PPFIBP2: variants seen among roughly 807,000 people sequenced by gnomAD.
PPFIBP2 encodes the protein PPFIB scaffold protein 2, also known as liprin-beta-2.
In PPFIBP2, 118 loss-of-function variants were observed where a neutral mutation model predicts 118.3. That is an observed-to-expected ratio of 1.00 (90% confidence interval 0.86 to 1.16). The LOEUF (loss-of-function observed/expected upper bound fraction) is 1.16. PPFIBP2 is among the 50% of genes most tolerant of loss of function. PPFIBP2 has a pLI of 0.00. For synonymous variants in PPFIBP2, 414 were observed against 397.4 expected (o/e 1.04, Z -0.50); for missense variants, 1,195 against 1,073.1 (o/e 1.11, Z -1.59).
At chr11:7,661,208 C>G (rs1854883561), downstream of PPFIBP2, among the ~76,000 whole-genome samples, 3 of 147,382 alleles carry the variant, frequency 2.0e-5, no homozygotes, top group Admixed American at 6.7e-5. Flanking sequence ...TATGTTTGCT[C>G]TTGCTTTTCT....
chr11:7,532,537 C>T (rs145040993), intron 1 of PPFIBP2, among the ~76,000 whole-genome samples: 2 of 152,314 alleles, frequency 1.3e-5, no homozygotes, highest in Non-Finnish European at 2.9e-5. Context: ...TGGCCTCGTC[C>T]AAAGGCTCAG....
At chr11:7,570,567 G>T (rs1322991909) in intron 3 of PPFIBP2, among the ~76,000 whole-genome samples, 3 of 152,136 alleles carry the variant, frequency 2.0e-5, no homozygotes, top group African/African-American at 7.2e-5. Context: ...AGGGTGAGGG[G>T]TGGTGCTTGG....
At chr11:7,537,393 C>G (rs1851321558) in intron 1 of PPFIBP2, among the ~76,000 whole-genome samples, 2 of 152,216 alleles carry the variant, frequency 1.3e-5, no homozygotes, top group Admixed American at 6.5e-5. Context: ...TGTGAACTCC[C>G]AGAGCAGGTG....
chr11:7,543,129 G>A (rs1360197795), intron 1 of PPFIBP2, among the ~76,000 whole-genome samples: 1 of 152,182 alleles, frequency 6.6e-6, no homozygotes, highest in Non-Finnish European at 1.5e-5. Context: ...CTTCATATCT[G>A]TCTTTGTCCT....
intron 21 of PPFIBP2, among the ~76,000 whole-genome samples, chr11:7,650,563 A>G (rs1853831547): frequency 6.6e-6 from 1 of 152,234 alleles, no homozygotes; most frequent in Non-Finnish European, 1.5e-5. Flanking sequence ...TAATGTCCTC[A>G]TTTATTTGTC....
chr11:7,601,749 C>T (rs1446840852), intron 5 of PPFIBP2, among the ~76,000 whole-genome samples: 1 of 152,156 alleles, frequency 6.6e-6, no homozygotes, highest in Admixed American at 6.5e-5. Flanking sequence ...AACCTGAGGT[C>T]AGGAGTTCGA....
chr11:7,577,315 ATGTGCGTGTG>A (rs560396932), intron 3 of PPFIBP2: 16 of 216,894 alleles, frequency 7.4e-5, no homozygotes, highest in African/African-American at 4.1e-4. Flanking sequence ...GCGTGCATGT[ATGTGCGTGTG>A]TGTGTGTGTG....
intron 1 of PPFIBP2, among the ~76,000 whole-genome samples, chr11:7,537,629 C>T (rs1182855114): frequency 6.6e-6 from 1 of 152,014 alleles, no homozygotes; most frequent in Non-Finnish European, 1.5e-5. Context: ...AGGGAAAGAG[C>T]CTCCTCTCCG....
downstream of PPFIBP2, chr11:7,655,286 C>T (rs1854576601): frequency 1.9e-5 from 9 of 477,676 alleles, no homozygotes; most frequent in South Asian, 1.4e-4. Context: ...CCTGTCACTC[C>T]TCAGGGCCTG....
At chr11:7,593,038 C>G in intron 3 of PPFIBP2, 94 bp from the exon 4 acceptor site, 1 of 1,511,228 alleles carries the variant, frequency 6.6e-7, no homozygotes, top group Non-Finnish European at 8.9e-7. Context: ...TGAAACTATC[C>G]TCACAAATTA....
chr11:7,606,030 T>C, intron 5 of PPFIBP2: 2 of 1,532,160 alleles, frequency 1.3e-6, no homozygotes, highest in Non-Finnish European at 1.7e-6. Flanking sequence ...GTAGAAAAGC[T>C]GTTGATCAAG....
intron 18 of PPFIBP2, 60 bp downstream of exon 18, chr11:7,648,597 G>T: frequency 1.3e-6 from 2 of 1,597,476 alleles, no homozygotes; most frequent in Non-Finnish European, 1.7e-6. Context: ...GGGGAGGCCA[G>T]GGTCCGCCAC....
chr11:7,634,654 AT>A, intron 13 of PPFIBP2, 102 bp downstream of exon 13: 2 of 889,536 alleles, frequency 2.2e-6, no homozygotes, highest in Non-Finnish European at 3.7e-6. Context: ...CTTGTAGAGG[AT>A]TTTATAAAGT....
intron 14 of PPFIBP2, among the ~76,000 whole-genome samples, chr11:7,635,983 G>A (rs371348729): frequency 5.9e-5 from 9 of 152,094 alleles, no homozygotes; most frequent in East Asian, 1.9e-4. Flanking sequence ...ACTCAGTCCC[G>A]CTTTGATGAA....
At chr11:7,658,087 C>G (rs983520676), downstream of PPFIBP2, among the ~76,000 whole-genome samples, 2 of 152,230 alleles carry the variant, frequency 1.3e-5, no homozygotes, top group Non-Finnish European at 2.9e-5. Flanking sequence ...TCAAACAAGA[C>G]TCTGCCAAAG....
intron 1 of PPFIBP2, among the ~76,000 whole-genome samples, chr11:7,541,808 C>A (rs1204311695): frequency 6.6e-6 from 1 of 152,140 alleles, no homozygotes; most frequent in Non-Finnish European, 1.5e-5. Flanking sequence ...CCTGATTTCA[C>A]CCCCAGACAC....
At chr11:7,618,743 G>A (rs574604714) in intron 6 of PPFIBP2, among the ~76,000 whole-genome samples, 10 of 151,688 alleles carry the variant, frequency 6.6e-5, no homozygotes, top group African/African-American at 1.7e-4. Flanking sequence ...CACCACGCCC[G>A]GCTAACTTTT....
the PPFIBP2 span, chr11:7,665,471 A>C: frequency 1.2e-6 from 2 of 1,613,998 alleles, no homozygotes; most frequent in Non-Finnish European, 8.5e-7. Context: ...CACCAGGATG[A>C]GCGTGGACTT....
intron 2 of PPFIBP2, among the ~76,000 whole-genome samples, chr11:7,561,857 A>G (rs547631365): frequency 2.0e-5 from 3 of 152,332 alleles, no homozygotes; most frequent in South Asian, 2.1e-4. Context: ...TATAGTTAAG[A>G]TATTAGCTGG....
Sources: gnomAD v4.1 joint callset for allele counts (sites outside exome capture counted in the v4.1 genomes callset) on GRCh38, gnomAD v4.1.1 for gene constraint, MANE v1.5 for transcripts, NCBI Gene and HGNC (gene_info 2026-07-23, HGNC 2026-07-21) for gene names.